Variants in ADGRD1 observed in about 807,000 individuals in gnomAD.
The protein encoded by ADGRD1 is adhesion G protein-coupled receptor D1, also known as G-protein coupled receptor 133.
A neutral mutation model predicts 113.4 loss-of-function variants in ADGRD1; 77 were observed. The observed-to-expected ratio is 0.68, with a 90% CI of 0.57 to 0.82. ADGRD1 has a LOEUF of 0.82. ADGRD1 is among the 40% of genes least tolerant of loss of function. The probability of loss-of-function intolerance (pLI) is 0.00; values close to 1 mark genes in which losing one functional copy is unlikely to be tolerated. For synonymous variants in ADGRD1, 474 were observed against 475.0 expected, an observed-to-expected ratio of 1.00 and a Z score of 0.03; for missense variants, 1,036 against 1,139.1, an observed-to-expected ratio of 0.91 and a Z score of 1.30.
At chr12:131,093,111 C>G (rs1156980623) in intron 15 of ADGRD1, among the ~76,000 whole-genome samples, 1 of 151,980 alleles carries the variant, frequency 6.6e-6, no homozygotes, top group Non-Finnish European at 1.5e-5. Context: ...GCTTCCTGCT[C>G]TTGTCTTGGT....
chr12:130,960,565 TA>T (rs1357241070), intron 2 of ADGRD1, among the ~76,000 whole-genome samples: 12 of 122,326 alleles, frequency 9.8e-5, no homozygotes, highest in African/African-American at 2.4e-4. Flanking sequence ...TTTATTTATT[TA>T]TTTTTGCATT....
intron 8 of ADGRD1, among the ~76,000 whole-genome samples, chr12:130,992,760 C>T (rs764839867): frequency 5.3e-5 from 8 of 152,248 alleles, no homozygotes; most frequent in African/African-American, 9.6e-5. Context: ...CAGATCCAGC[C>T]GTGGGGCGTG....
In ADGRD1 at chr12:130,966,136, A is replaced by G. The variant is rs937769588; in HGVS notation, c.104-327A>G. Among the ~76,000 whole-genome samples, 1 of 152,208 alleles carries G rather than the reference A, an allele frequency of 6.6e-6. No homozygotes were observed. The highest frequency in any genetic ancestry group is 1.5e-5 in the Non-Finnish European group (1 of 68,032). On this transcript the variant is annotated intron_variant, in intron 2 of 24. Coordinates refer to ENST00000261654, the MANE Select transcript of ADGRD1 (RefSeq NM_198827.5). This position sits in a 1 kb window ranked among gnomAD's most constrained non-coding sequence, Gnocchi z 4.6. ...ATGGTAAATAACAGCGGGATATGGAACATTCTTATCTTTTCCTGACATGAA... is the reference window on the plus strand; with the variant it reads ...ATGGTAAATAACAGCGGGATATGGAGCATTCTTATCTTTTCCTGACATGAA...
At chr12:131,052,309 G>A (rs141994933) in intron 13 of ADGRD1, among the ~76,000 whole-genome samples, 2,475 of 152,294 alleles carry the variant, frequency 0.016, 94 homozygotes, top group East Asian at 0.023. Flanking sequence ...TGAGGCTGGC[G>A]TGGGTGGGCA....
At chr12:131,026,292 T>G (rs1036388474) in intron 13 of ADGRD1, 1 of 151,992 alleles carries the variant, frequency 6.6e-6, no homozygotes, top group Non-Finnish European at 1.5e-5. Context: ...CCTGCCCTTC[T>G]GAGCTGGATG....
At chr12:131,094,161 A>C (rs1282741227) in intron 15 of ADGRD1, among the ~76,000 whole-genome samples, 3 of 152,034 alleles carry the variant, frequency 2.0e-5, no homozygotes, top group African/African-American at 4.8e-5. Flanking sequence ...ACACAGCCTC[A>C]GTACCCAGCC....
intron 13 of ADGRD1, among the ~76,000 whole-genome samples, chr12:131,052,925 G>T (rs750799362): frequency 1.3e-5 from 2 of 152,148 alleles, no homozygotes; most frequent in Non-Finnish European, 2.9e-5. Flanking sequence ...TGGAGAACAC[G>T]ACACTGTCTG....
At chr12:131,117,463 G>T (rs1018727626) in intron 18 of ADGRD1, among the ~76,000 whole-genome samples, 1 of 152,152 alleles carries the variant, frequency 6.6e-6, no homozygotes, top group Non-Finnish European at 1.5e-5. Flanking sequence ...CTGATCTCTT[G>T]TGGTGCCAAA....
In ADGRD1 at chr12:131,022,164, A is replaced by G. The variant is rs1879399705; in HGVS notation, c.1473+7824A>G. Reference sequence around the variant, plus strand: ...CAACAGGTGACTTTAGTGGGGAGCAATTCGGCTCCAGCATAGCAAATATGG... The same window carrying G: ...CAACAGGTGACTTTAGTGGGGAGCAGTTCGGCTCCAGCATAGCAAATATGG... On this transcript the variant is annotated intron_variant, in intron 13 of 24. Transcript: ENST00000261654. The surrounding 1 kb of genome is among the most constrained non-coding windows in gnomAD (Gnocchi z 4.6). 2.0e-5 allele frequency among the ~76,000 whole-genome samples: 3 copies of G among 152,100 alleles called. No individual in the cohort carries two copies. The highest frequency in any genetic ancestry group is 2.9e-5 in the Non-Finnish European group (2 of 68,010).
intron 20 of ADGRD1, among the ~76,000 whole-genome samples, chr12:131,126,974 G>T (rs906284800): frequency 6.6e-6 from 1 of 152,076 alleles, no homozygotes; most frequent in Admixed American, 6.6e-5. Context: ...TGTGCCACTC[G>T]CAGCCAAAGT....
At chr12:131,133,622 C>CA (rs1950993851) in intron 21 of ADGRD1, among the ~76,000 whole-genome samples, 1 of 152,218 alleles carries the variant, frequency 6.6e-6, no homozygotes. Flanking sequence ...TCTCTGGGGA[C>CA]AGACCGCTCT....
intron 4 of ADGRD1, among the ~76,000 whole-genome samples, chr12:130,973,847 G>GGAGGCA (rs1304319956): frequency 1.3e-5 from 2 of 152,184 alleles, no homozygotes; most frequent in Non-Finnish European, 2.9e-5. Context: ...CAGTGTTTTG[G>GGAGGCA]GAGGCAGAGG....
At chr12:131,077,698 C>T (rs2137173222) in intron 14 of ADGRD1, among the ~76,000 whole-genome samples, 1 of 152,222 alleles carries the variant, frequency 6.6e-6, no homozygotes, top group East Asian at 1.9e-4. Flanking sequence ...GTTGCAGGTC[C>T]TGTGTTGCCA....
At chr12:130,998,827 A>G (rs954110064) in intron 8 of ADGRD1, among the ~76,000 whole-genome samples, 1 of 152,158 alleles carries the variant, frequency 6.6e-6, no homozygotes, top group African/African-American at 2.4e-5. Flanking sequence ...TGGACGGGAA[A>G]ATGGCAAGGG....
chr12:130,972,858 C>G (rs960196030), intron 4 of ADGRD1, among the ~76,000 whole-genome samples: 1 of 151,936 alleles, frequency 6.6e-6, no homozygotes, highest in African/African-American at 2.4e-5. Context: ...GCCAGGGGTT[C>G]CAATGCCTGG....
chr12:131,001,215 A>G (rs1313269054), intron 9 of ADGRD1, among the ~76,000 whole-genome samples: 2 of 152,224 alleles, frequency 1.3e-5, no homozygotes, highest in Non-Finnish European at 2.9e-5. Context: ...TGCAGAAAAA[A>G]AGCTTCTCTT....
chr12:130,955,991 G>C (rs913982273), intron 2 of ADGRD1, among the ~76,000 whole-genome samples: 1 of 152,182 alleles, frequency 6.6e-6, no homozygotes, highest in Non-Finnish European at 1.5e-5. Context: ...GTTTTGCCAT[G>C]TTGGCCAGGC....
intron 13 of ADGRD1, among the ~76,000 whole-genome samples, chr12:131,074,735 G>T (rs1566085954): frequency 6.6e-6 from 1 of 152,194 alleles, no homozygotes; most frequent in African/African-American, 2.4e-5. Context: ...GAGTCAATTT[G>T]CTTTTCTCAT....
chr12:130,991,911 C>T (rs984035498), intron 7 of ADGRD1, among the ~76,000 whole-genome samples: 16 of 151,944 alleles, frequency 1.1e-4, no homozygotes, highest in Non-Finnish European at 1.6e-4. Context: ...ACTTGAGGTC[C>T]GGAGCTCGAG....
Sources: allele counts gnomAD v4.1 joint callset (sites outside exome capture counted in the v4.1 genomes callset), GRCh38; gene constraint gnomAD v4.1.1; non-coding constraint Gnocchi (gnomAD v3.1); transcripts MANE v1.5; gene names NCBI Gene and HGNC (gene_info 2026-07-23, HGNC 2026-07-21).